The following DSCAM variants were observed in gnomAD, a reference collection of about 807,000 sequenced individuals.
DSCAM encodes the protein cell adhesion molecule DSCAM.
A neutral mutation model predicts 217.7 loss-of-function variants in DSCAM; 47 were observed. The observed-to-expected ratio is 0.22, with a 90% CI of 0.17 to 0.28. The LOEUF (loss-of-function observed/expected upper bound fraction) is 0.28. Ranked by LOEUF, DSCAM falls within the 10% of genes least tolerant of loss-of-function variation. The pLI is 1.00. For missense variants in DSCAM, 2,080 were observed against 2,618.3 expected (o/e 0.79, Z 4.49); for synonymous variants, 1,056 against 1,015.3 (o/e 1.04, Z -0.76).
At chr21:40,273,246 TC>T (rs973905317) in intron 11 of DSCAM, among the ~76,000 whole-genome samples, 42 of 152,346 alleles carry the variant, frequency 2.8e-4, no homozygotes, top group African/African-American at 9.6e-4. Context: ...TGTTTAATTT[TC>T]ATGATAACTC....
chr21:40,748,913 C>T (rs2146557351), intron 1 of DSCAM, among the ~76,000 whole-genome samples: 1 of 152,122 alleles, frequency 6.6e-6, no homozygotes, highest in South Asian at 2.1e-4. Context: ...AATACAGAAC[C>T]TAGAAATAAA....
chr21:40,361,841 TC>T (rs2074769960), intron 4 of DSCAM, among the ~76,000 whole-genome samples: 1 of 152,216 alleles, frequency 6.6e-6, no homozygotes, highest in Non-Finnish European at 1.5e-5. Flanking sequence ...TAAATCAAGA[TC>T]CTTCTCTTGC....
chr21:40,301,859 C>T (rs1346006007), intron 9 of DSCAM, among the ~76,000 whole-genome samples: 1 of 152,170 alleles, frequency 6.6e-6, no homozygotes, highest in Non-Finnish European at 1.5e-5. Context: ...CCCCCAAAGC[C>T]TGAGGTCTTT....
intron 11 of DSCAM, among the ~76,000 whole-genome samples, chr21:40,273,475 ATTCGAACAGAGAGTTACTC>A (rs2073645991): frequency 1.3e-5 from 2 of 152,214 alleles, no homozygotes; most frequent in South Asian, 4.1e-4. Flanking sequence ...ACTGTAGAAC[ATTCGAACAGAGAGTTACTC>A]TTGCCTGGAG....
At chr21:40,347,064 G>A (rs553293718) in intron 6 of DSCAM, among the ~76,000 whole-genome samples, 8 of 152,232 alleles carry the variant, frequency 5.3e-5, no homozygotes, top group South Asian at 2.1e-4. Flanking sequence ...ACTTTGGGGG[G>A]CCGAGGCGGG....
chr21:40,810,564 C>T (rs1341932329), intron 1 of DSCAM, among the ~76,000 whole-genome samples: 2 of 152,142 alleles, frequency 1.3e-5, no homozygotes, highest in African/African-American at 2.4e-5. Flanking sequence ...GCTCCAACCT[C>T]CCTGGATTTC....
chr21:40,124,359 G>A, intron 19 of DSCAM, 31 bp from the exon 20 acceptor site: 1 of 1,612,004 alleles, frequency 6.2e-7, no homozygotes, highest in South Asian at 1.1e-5. Context: ...GTCACAAGGT[G>A]GGGCCTCAAC....
intron 3 of DSCAM, among the ~76,000 whole-genome samples, chr21:40,683,584 A>G (rs1223929336): frequency 6.6e-6 from 1 of 152,190 alleles, no homozygotes; most frequent in Non-Finnish European, 1.5e-5. Flanking sequence ...AGCTGTCTGA[A>G]GCAACAGAGG....
At chr21:40,344,782 T>G (rs536969070) in intron 6 of DSCAM, among the ~76,000 whole-genome samples, 1 of 152,342 alleles carries the variant, frequency 6.6e-6, no homozygotes, top group Admixed American at 6.5e-5. Flanking sequence ...TTTGCTGAGT[T>G]TCTTAGATCT....
rs2089802587 is a variant in DSCAM, at chr21:40,637,458, CAAATATATAT to C, written c.508+55342_508+55351del. ...ATATAAATATATATATAAATATATA[CAAATATATAT>C]AAATATATATAAATATATAAAAATA... On this transcript the variant is annotated intron_variant, in intron 3 of 32. Transcript: ENST00000400454. Among the ~76,000 whole-genome samples the C allele has an allele frequency of 4.4e-4, 4 of 9,090 alleles. 1 individual carries two copies. Among genetic ancestry groups the C allele is most frequent in the African/African-American group, 1.2e-3 (3 of 2,454 alleles). 6.0% of individuals were successfully genotyped at this position (9,090 alleles called of 152,430 possible). A position where few individuals can be genotyped will look rare whatever the true frequency, so the allele number is the denominator to read the frequency against.
intron 3 of DSCAM, among the ~76,000 whole-genome samples, chr21:40,552,613 C>T (rs954661501): frequency 1.3e-5 from 2 of 152,324 alleles, no homozygotes; most frequent in African/African-American, 2.4e-5. Flanking sequence ...AGCTATTCCA[C>T]CTGTGTGCTG....
At chr21:40,167,112 A>G in intron 16 of DSCAM, 106 bp downstream of exon 16, 1 of 1,006,690 alleles carries the variant, frequency 9.9e-7, no homozygotes, top group Non-Finnish European at 1.5e-6. Flanking sequence ...TTGAAAAAAT[A>G]AAAGTTTTGT....
intron 14 of DSCAM, among the ~76,000 whole-genome samples, chr21:40,180,292 G>C (rs1328430235): frequency 6.6e-6 from 1 of 152,198 alleles, no homozygotes; most frequent in African/African-American, 2.4e-5. Context: ...ATAAATGCAA[G>C]AGATTTTCTG....
At chr21:40,552,038 G>A (rs2076634099) in intron 3 of DSCAM, among the ~76,000 whole-genome samples, 1 of 152,132 alleles carries the variant, frequency 6.6e-6, no homozygotes, top group Non-Finnish European at 1.5e-5. Flanking sequence ...ATTTCCAGCT[G>A]GGCATGGTGG....
chr21:40,055,617 G>A, intron 29 of DSCAM, 108 bp downstream of exon 29: 2 of 766,476 alleles, frequency 2.6e-6, no homozygotes, highest in South Asian at 3.3e-5. Flanking sequence ...TACTCACGTA[G>A]CCTTCAAGAC....
At chr21:40,103,301 T>C (rs1473927708) in intron 20 of DSCAM, among the ~76,000 whole-genome samples, 2 of 152,148 alleles carry the variant, frequency 1.3e-5, no homozygotes, top group East Asian at 1.9e-4. Flanking sequence ...AAGGCTGTGA[T>C]TTCATAGATA....
rs577162730 is a variant in DSCAM, at chr21:40,795,071, T to C, written c.43+51548A>G. Among the ~76,000 whole-genome samples, 77 of 151,810 alleles carry C rather than the reference T, an allele frequency of 5.1e-4. No individual in the cohort carries two copies. The South Asian group carries it at 0.016, about 31-fold the overall frequency. ...TGACCTGGATAGCTGGTCTGCAAAT[T>C]ATTTGAACCCCTTTTTCCAACATCT... is the stretch of plus-strand genomic sequence containing the variant. On this transcript the variant is annotated intron_variant, in intron 1 of 32. Coordinates refer to ENST00000400454, the MANE Select transcript of DSCAM (RefSeq NM_001389.5).
intron 14 of DSCAM, among the ~76,000 whole-genome samples, chr21:40,180,604 G>C (rs2090788476): frequency 6.6e-6 from 1 of 152,106 alleles, no homozygotes; most frequent in Admixed American, 6.5e-5. Flanking sequence ...AGATGTTTAG[G>C]AGGATGAGGA....
intron 3 of DSCAM, among the ~76,000 whole-genome samples, chr21:40,481,530 C>CAAAAAAA (rs34586895): frequency 1.7e-5 from 1 of 60,490 alleles, no homozygotes; most frequent in African/African-American, 6.3e-5. Context: ...ACTCTGTCTC[C>CAAAAAAA]AAAAAAAAAA....
Sources: allele counts gnomAD v4.1 joint callset (sites outside exome capture counted in the v4.1 genomes callset), GRCh38; gene constraint gnomAD v4.1.1; transcripts MANE v1.5; gene names NCBI Gene and HGNC (gene_info 2026-07-23, HGNC 2026-07-21).